Variants in STPG2 observed in about 807,000 individuals in gnomAD.
The protein encoded by STPG2 is sperm-tail PG-rich repeat-containing protein 2.
A neutral mutation model predicts 54.2 loss-of-function variants in STPG2; 56 were observed. That is an observed-to-expected ratio of 1.03 (90% CI 0.83 to 1.29). STPG2 has a LOEUF of 1.29. Among genes scored for constraint, STPG2 ranks in the 50% most tolerant of loss-of-function variants. STPG2 has a pLI of 0.00. For missense variants in STPG2, 596 were observed against 544.9 expected (o/e 1.09, Z -0.93); for synonymous variants, 200 against 181.8 (o/e 1.10, Z -0.81).
intron 8 of STPG2, among the ~76,000 whole-genome samples, chr4:97,871,170 A>G (rs1261051992): frequency 1.3e-5 from 2 of 151,006 alleles, no homozygotes; most frequent in African/African-American, 4.8e-5. Context: ...AGTGGTGATT[A>G]AAGTCTTAAA....
intron 9 of STPG2, among the ~76,000 whole-genome samples, chr4:97,794,800 T>A (rs1727114039): frequency 6.6e-6 from 1 of 152,202 alleles, no homozygotes; most frequent in African/African-American, 2.4e-5. Flanking sequence ...AAAGATTGGC[T>A]CTACAAAATT....
At chr4:98,118,115 T>G (rs1739574383) in intron 3 of STPG2, among the ~76,000 whole-genome samples, 1 of 152,186 alleles carries the variant, frequency 6.6e-6, no homozygotes, top group Non-Finnish European at 1.5e-5. Flanking sequence ...CTGTATTCTT[T>G]GTACACTGAA....
chr4:98,046,163 T>C (rs1250441568), intron 5 of STPG2, among the ~76,000 whole-genome samples: 1 of 152,062 alleles, frequency 6.6e-6, no homozygotes, highest in South Asian at 2.1e-4. Flanking sequence ...CCACTGAATT[T>C]TTCAGATCAG....
chr4:98,072,570 TAATAAAATAAAATAAAATAAAATAAAA>T (rs1160186099), intron 5 of STPG2, among the ~76,000 whole-genome samples: 23 of 144,880 alleles, frequency 1.6e-4, no homozygotes, highest in African/African-American at 5.8e-4. Flanking sequence ...GAAGGGAAAA[TAATAAAATAAAATAAAATAAAATAAAA>T]TAAAATAAAA....
At chr4:98,062,937 A>AC (rs1245691495) in intron 5 of STPG2, among the ~76,000 whole-genome samples, 3 of 152,040 alleles carry the variant, frequency 2.0e-5, no homozygotes. Context: ...TGTTGTAAAG[A>AC]CTAGGTCTTA....
intron 9 of STPG2, among the ~76,000 whole-genome samples, chr4:97,739,883 T>C (rs888882483): frequency 6.6e-6 from 1 of 152,008 alleles, no homozygotes; most frequent in African/African-American, 2.4e-5. Context: ...ATCATCCTGA[T>C]ACCAAAGCCG....
At chr4:97,926,046 C>A (rs1171467509) in intron 8 of STPG2, among the ~76,000 whole-genome samples, 1 of 152,152 alleles carries the variant, frequency 6.6e-6, no homozygotes, top group African/African-American at 2.4e-5. Flanking sequence ...CTCAAAACTA[C>A]TAGTATGGTT....
At chr4:97,598,210 CAA>C (rs1733352597) in intron 10 of STPG2, among the ~76,000 whole-genome samples, 1 of 151,778 alleles carries the variant, frequency 6.6e-6, no homozygotes, top group South Asian at 2.1e-4. Flanking sequence ...AGAAAAATTA[CAA>C]AAGACTGCTA....
chr4:98,001,834 T>C (rs760910168), intron 5 of STPG2, among the ~76,000 whole-genome samples: 38 of 152,114 alleles, frequency 2.5e-4, no homozygotes, highest in Admixed American at 1.0e-3. Flanking sequence ...GTTACAAACA[T>C]TGGCAACTAA....
intron 5 of STPG2, among the ~76,000 whole-genome samples, chr4:97,984,988 G>A (rs944338893): frequency 2.0e-5 from 3 of 152,050 alleles, no homozygotes; most frequent in Admixed American, 6.5e-5. Flanking sequence ...TATCTTCATC[G>A]TGTTTATATA....
intron 10 of STPG2, among the ~76,000 whole-genome samples, chr4:97,643,730 T>C (rs13138388): frequency 0.23 from 34,164 of 151,662 alleles, 4,660 homozygotes; most frequent in Middle Eastern, 0.33. Context: ...CTAGCAGTGA[T>C]TGAAGTTGTC....
intron 9 of STPG2, among the ~76,000 whole-genome samples, chr4:97,839,265 T>A (rs1477554139): frequency 1.3e-5 from 2 of 151,592 alleles, no homozygotes; most frequent in Non-Finnish European, 3.0e-5. Flanking sequence ...GTGGCAAATA[T>A]CTCAACTGTG....
At chr4:98,122,408 G>T (rs1434425921) in intron 3 of STPG2, among the ~76,000 whole-genome samples, 1 of 152,118 alleles carries the variant, frequency 6.6e-6, no homozygotes, top group Non-Finnish European at 1.5e-5. Context: ...TAACATGAAA[G>T]GATGTTGAAT....
At chr4:97,973,612 C>T (rs1009169588) in intron 6 of STPG2, among the ~76,000 whole-genome samples, 4 of 152,208 alleles carry the variant, frequency 2.6e-5, no homozygotes, top group African/African-American at 9.6e-5. Flanking sequence ...CCTCCCATCA[C>T]AGGCCTGGAG....
At position 98,021,308 on chromosome 4, in the gene STPG2, T is replaced by G. The variant is rs1173283064; in HGVS notation, c.613-39990A>C. ...AGTCATTCAGGAGCAGGTTGTTCAG[T>G]TTCCATGTAGTTGAGCGGTTTTGAG... On this transcript the variant is annotated intron_variant, in intron 5 of 10. Coordinates refer to ENST00000295268, the MANE Select transcript of STPG2 (RefSeq NM_174952.3). Among the ~76,000 whole-genome samples, 20 of 128,460 alleles carry G rather than the reference T, an allele frequency of 1.6e-4. 2 individuals are homozygous for G. The East Asian group carries it at 4.3e-3, about 27-fold the overall frequency. 84.3% of individuals were successfully genotyped at this position (128,460 alleles called of 152,430 possible).
At chr4:97,607,344 G>A (rs919626005) in intron 10 of STPG2, among the ~76,000 whole-genome samples, 4 of 151,932 alleles carry the variant, frequency 2.6e-5, no homozygotes, top group African/African-American at 2.4e-5. Context: ...TATATAAGGA[G>A]CGGATCTTCC....
intron 3 of STPG2, among the ~76,000 whole-genome samples, chr4:98,120,329 T>C (rs1483867145): frequency 6.6e-6 from 1 of 152,134 alleles, no homozygotes; most frequent in Non-Finnish European, 1.5e-5. Flanking sequence ...TCCACCTGCC[T>C]CGGCCTTCCA....
intron 7 of STPG2, 56 bp downstream of exon 7, chr4:97,972,224 A>G: frequency 8.6e-7 from 1 of 1,162,864 alleles, no homozygotes; most frequent in East Asian, 2.6e-5. Flanking sequence ...TTTCAAGAGA[A>G]CCCTAAGAGC....
chr4:97,897,209 C>T (rs1730990010), intron 8 of STPG2, among the ~76,000 whole-genome samples: 1 of 152,142 alleles, frequency 6.6e-6, no homozygotes, highest in African/African-American at 2.4e-5. Flanking sequence ...GCCTCCAGCT[C>T]CATCCATGTT....
Sources: gnomAD v4.1 joint callset for allele counts (sites outside exome capture counted in the v4.1 genomes callset) on GRCh38, gnomAD v4.1.1 for gene constraint, MANE v1.5 for transcripts, NCBI Gene and HGNC (gene_info 2026-07-23, HGNC 2026-07-21) for gene names.